The following TENM2 variants were observed in gnomAD, a reference collection of about 807,000 sequenced individuals.
The protein encoded by TENM2 is teneurin transmembrane protein 2, also known as teneurin-2.
A neutral mutation model predicts 245.2 loss-of-function variants in TENM2; 52 were observed. That is an observed-to-expected ratio of 0.21 (90% CI 0.17 to 0.27). TENM2 has a LOEUF of 0.27. Ranked by LOEUF, TENM2 falls within the 10% of genes least tolerant of loss-of-function variation. The pLI, the probability that TENM2 is intolerant of heterozygous loss-of-function variation, is 1.00. For missense variants in TENM2, 3,046 were observed against 3,666.8 expected (o/e 0.83, Z 4.37); for synonymous variants, 1,363 against 1,438.9 (o/e 0.95, Z 1.19).
At chr5:167,434,993 G>T (rs1355817812) in intron 2 of TENM2, among the ~76,000 whole-genome samples, 1 of 152,154 alleles carries the variant, frequency 6.6e-6, no homozygotes, top group African/African-American at 2.4e-5. Context: ...CACTTGACTG[G>T]AGATAACTTA....
At chr5:167,993,249 G>A in intron 5 of TENM2, 67 bp downstream of exon 7, 9 of 1,344,086 alleles carry the variant, frequency 6.7e-6, no homozygotes, top group Non-Finnish European at 9.5e-6. Flanking sequence ...CCATGGACTT[G>A]TGAATCTAGA....
chr5:167,776,622 A>AAAAAAAAAAAAC (rs1561769462), intron 2 of TENM2, among the ~76,000 whole-genome samples: 1 of 65,354 alleles, frequency 1.5e-5, no homozygotes, highest in East Asian at 4.0e-4. Context: ...AAAAAAAAAA[A>AAAAAAAAAAAAC]AAAACCATAT....
the TENM2 span, among the ~76,000 whole-genome samples, chr5:167,086,918 AACACACACACGCACAC>A: frequency 4.1e-4 from 45 of 110,030 alleles, no homozygotes; most frequent in Middle Eastern, 4.7e-3. Context: ...AGGAAACTCT[AACACACACACGCACAC>A]ACACACACAC....
chr5:167,553,663 T>G (rs1343047016), intron 2 of TENM2, among the ~76,000 whole-genome samples: 3 of 152,180 alleles, frequency 2.0e-5, no homozygotes, highest in Non-Finnish European at 4.4e-5. Flanking sequence ...TCAGCATGCC[T>G]TCTGCACAGC....
At chr5:167,120,011 C>A in the TENM2 span, among the ~76,000 whole-genome samples, 3 of 152,016 alleles carry the variant, frequency 2.0e-5, no homozygotes, top group African/African-American at 4.8e-5. Flanking sequence ...AGTCGAGCCT[C>A]GTAGGCAAAG....
chr5:167,229,750 G>T, the TENM2 span, among the ~76,000 whole-genome samples: 1 of 152,192 alleles, frequency 6.6e-6, no homozygotes, highest in South Asian at 2.1e-4. Context: ...TTCACTGGTG[G>T]TGTGTATAGA....
chr5:167,288,609 G>A (rs1257811211), intron 1 of TENM2, among the ~76,000 whole-genome samples: 6 of 151,926 alleles, frequency 3.9e-5, no homozygotes, highest in African/African-American at 7.2e-5. Context: ...CATTTGTTGA[G>A]TAGTTTGTGT....
chr5:167,864,620 T>C (rs1772139451), intron 2 of TENM2, among the ~76,000 whole-genome samples: 1 of 152,192 alleles, frequency 6.6e-6, no homozygotes, highest in South Asian at 2.1e-4. Flanking sequence ...CATCAGCACT[T>C]GGTACTTTGT....
At chr5:167,880,533 C>T (rs1018321910) in intron 3 of TENM2, among the ~76,000 whole-genome samples, 2 of 121,280 alleles carry the variant, frequency 1.6e-5, no homozygotes, top group African/African-American at 5.0e-5. Flanking sequence ...GCATAATACC[C>T]CATGAGATAA....
intron 17 of TENM2, 76 bp downstream of exon 19, chr5:168,200,207 C>G (rs1297092214): frequency 5.2e-6 from 7 of 1,349,740 alleles, no homozygotes; most frequent in South Asian, 1.4e-5. Context: ...TATTGAGTTC[C>G]GAGGATATGC....
At chr5:167,341,700 T>A (rs1227852411) in intron 1 of TENM2, among the ~76,000 whole-genome samples, 1 of 151,616 alleles carries the variant, frequency 6.6e-6, no homozygotes, top group Non-Finnish European at 1.5e-5. Flanking sequence ...ATTTTATATA[T>A]ATTTTATATA....
At chr5:167,583,460 T>C (rs2127687600) in intron 2 of TENM2, among the ~76,000 whole-genome samples, 1 of 119,226 alleles carries the variant, frequency 8.4e-6, no homozygotes, top group East Asian at 2.7e-4. Context: ...TGAAAAGGCA[T>C]TATGAGTATA....
intron 2 of TENM2, among the ~76,000 whole-genome samples, chr5:167,565,357 A>C (rs1397719306): frequency 6.6e-6 from 1 of 152,230 alleles, no homozygotes; most frequent in East Asian, 1.9e-4. Flanking sequence ...GCACCCTGTC[A>C]ATATCATCAT....
intron 2 of TENM2, among the ~76,000 whole-genome samples, chr5:167,731,780 C>G (rs537863424): frequency 7.2e-6 from 1 of 139,758 alleles, no homozygotes; most frequent in Non-Finnish European, 1.5e-5. Flanking sequence ...GTTTTTATGT[C>G]TTTCTTTGGT....
chr5:168,094,445 C>G (rs1256308531), intron 8 of TENM2, among the ~76,000 whole-genome samples: 1 of 152,124 alleles, frequency 6.6e-6, no homozygotes, highest in Non-Finnish European at 1.5e-5. Flanking sequence ...GAGAAGCAAT[C>G]TCTACCTAGC....
At chr5:167,877,178 T>C (rs1773494242) in intron 3 of TENM2, among the ~76,000 whole-genome samples, 1 of 152,122 alleles carries the variant, frequency 6.6e-6, no homozygotes. Flanking sequence ...AATACAGAGC[T>C]TTCCATGCCG....
At chr5:168,126,552 C>T (rs1795864772) in intron 11 of TENM2, among the ~76,000 whole-genome samples, 1 of 152,138 alleles carries the variant, frequency 6.6e-6, no homozygotes, top group Admixed American at 6.5e-5. Context: ...GGTCCAGGGG[C>T]CACACTTTGA....
chr5:167,477,626 C>G (rs1767480787), intron 2 of TENM2, among the ~76,000 whole-genome samples: 1 of 152,124 alleles, frequency 6.6e-6, no homozygotes, highest in African/African-American at 2.4e-5. Context: ...CCTATTCAGT[C>G]ACCAGTTTTC....
At chr5:168,006,734 G>C in intron 5 of TENM2, among the ~76,000 whole-genome samples, 1 of 152,284 alleles carries the variant, frequency 6.6e-6, no homozygotes, top group Middle Eastern at 3.4e-3. Flanking sequence ...GCCTGCGGTC[G>C]TATTAACCAG....
Sources: gnomAD v4.1 joint callset for allele counts (sites outside exome capture counted in the v4.1 genomes callset) on GRCh38, gnomAD v4.1.1 for gene constraint, MANE v1.5 for transcripts, NCBI Gene and HGNC (gene_info 2026-07-23, HGNC 2026-07-21) for gene names.